KCNIP4: variants seen among roughly 807,000 people sequenced by gnomAD.
KCNIP4 encodes the protein potassium voltage-gated channel interacting protein 4, also known as Kv channel-interacting protein 4.
KCNIP4 carries 12 observed loss-of-function variants against 34.0 expected under a neutral mutation model. The observed-to-expected ratio is 0.35, with a 90% CI of 0.23 to 0.57. The LOEUF (loss-of-function observed/expected upper bound fraction) is 0.57, where lower values mean the gene tolerates loss of function less well. Ranked by LOEUF, KCNIP4 falls within the 20% of genes least tolerant of loss-of-function variation. The pLI is 0.83. For synonymous variants in KCNIP4, 124 were observed against 102.2 expected (o/e 1.21, Z -1.29); for missense variants, 238 against 311.7 (o/e 0.76, Z 1.78).
intron 1 of KCNIP4, among the ~76,000 whole-genome samples, chr4:21,406,005 T>C (rs1200145595): frequency 6.6e-6 from 1 of 152,136 alleles, no homozygotes. Flanking sequence ...CCGGCTAATT[T>C]TGTATTTTTA....
rs1311991093 is a variant in KCNIP4, at chr4:21,048,418, C to T, written c.62-165709G>A. ...CCAGAACTTGTCACGTGGCCCTAAT[C>T]TAATTGCAAATAATGCAAGGGAATG... On this transcript the variant is annotated intron_variant, in intron 1 of 8. Coordinates refer to ENST00000382152, the MANE Select transcript of KCNIP4 (RefSeq NM_025221.6). 2.0e-5 allele frequency among the ~76,000 whole-genome samples: 3 copies of T among 152,152 alleles called. No individual in the cohort carries two copies. In the East Asian group the frequency reaches 5.8e-4, roughly 29 times the overall value.
intron 1 of KCNIP4, among the ~76,000 whole-genome samples, chr4:21,256,059 A>C (rs1468939479): frequency 1.3e-5 from 2 of 152,154 alleles, no homozygotes; most frequent in East Asian, 3.9e-4. Context: ...AAGGTAAAAA[A>C]AAAAATTAGG....
intron 1 of KCNIP4, among the ~76,000 whole-genome samples, chr4:21,327,330 T>C (rs1308668514): frequency 6.6e-6 from 1 of 152,148 alleles, no homozygotes; most frequent in African/African-American, 2.4e-5. Flanking sequence ...TTTGCTATTC[T>C]AGGATAAATT....
At chr4:21,506,621 C>G (rs979589342) in intron 1 of KCNIP4, among the ~76,000 whole-genome samples, 1 of 152,106 alleles carries the variant, frequency 6.6e-6, no homozygotes, top group African/African-American at 2.4e-5. Flanking sequence ...TCATTCATTT[C>G]TTTACCCCCA....
intron 3 of KCNIP4, among the ~76,000 whole-genome samples, chr4:20,834,122 C>T (rs1372763150): frequency 6.6e-6 from 1 of 152,114 alleles, no homozygotes; most frequent in African/African-American, 2.4e-5. Flanking sequence ...AGGACCAAAA[C>T]AAGGACCAAA....
At chr4:20,946,717 T>C (rs114819383) in intron 1 of KCNIP4, among the ~76,000 whole-genome samples, 1,798 of 152,294 alleles carry the variant, frequency 0.012, 18 homozygotes, top group Non-Finnish European at 0.017. Context: ...CGTGTCTTAG[T>C]GAGCAATGGA....
intron 1 of KCNIP4, among the ~76,000 whole-genome samples, chr4:20,901,438 A>G (rs978933618): frequency 3.3e-5 from 5 of 152,236 alleles, no homozygotes; most frequent in African/African-American, 1.2e-4. Flanking sequence ...GCATTTAATA[A>G]GATTCTCAGG....
intron 1 of KCNIP4, among the ~76,000 whole-genome samples, chr4:21,441,419 A>G (rs2109706183): frequency 6.6e-6 from 1 of 152,156 alleles, no homozygotes; most frequent in Admixed American, 6.5e-5. Flanking sequence ...CTGGGATTAC[A>G]GGCATGAGCC....
chr4:21,047,207 G>A (rs534827887), intron 1 of KCNIP4, among the ~76,000 whole-genome samples: 1 of 152,178 alleles, frequency 6.6e-6, no homozygotes, highest in South Asian at 2.1e-4. Context: ...GGCTTTTCTT[G>A]CCAGCACATT....
intron 3 of KCNIP4, among the ~76,000 whole-genome samples, chr4:20,820,623 A>C (rs1405704742): frequency 1.3e-5 from 2 of 152,196 alleles, no homozygotes; most frequent in Non-Finnish European, 2.9e-5. Context: ...AGGAAGCCAG[A>C]TGCAATTCAG....
In KCNIP4 at chr4:21,807,234, C is replaced by T. The variant is rs560831889; in HGVS notation, c.61+141337G>A. Among the ~76,000 whole-genome samples the T allele has an allele frequency of 1.6e-4, 24 of 152,304 alleles. No individual in the cohort carries two copies. The South Asian group carries it at 4.8e-3, about 30-fold the overall frequency. On this transcript the variant is annotated intron_variant, in intron 1 of 8. Coordinates refer to ENST00000382152, the MANE Select transcript of KCNIP4 (RefSeq NM_025221.6). ...GCAGCTGTAAATACAGACAAAGCTT[C>T]GCTTGCTCACTGACACTCATCTCCT... is the stretch of plus-strand genomic sequence containing the variant.
At chr4:20,881,317 T>G (rs1190797349) in intron 2 of KCNIP4, among the ~76,000 whole-genome samples, 1 of 152,204 alleles carries the variant, frequency 6.6e-6, no homozygotes, top group Non-Finnish European at 1.5e-5. Context: ...GACATTTTAG[T>G]GCATTCATAT....
At chr4:20,975,334 C>A (rs753367132) in intron 1 of KCNIP4, among the ~76,000 whole-genome samples, 8 of 152,112 alleles carry the variant, frequency 5.3e-5, no homozygotes, top group Non-Finnish European at 1.2e-4. Context: ...TAAAATGGGT[C>A]TTTAACAAAT....
intron 1 of KCNIP4, among the ~76,000 whole-genome samples, chr4:21,216,628 A>T (rs1466212221): frequency 6.6e-5 from 10 of 152,190 alleles, no homozygotes; most frequent in Non-Finnish European, 1.5e-4. Flanking sequence ...CACAGCTGAG[A>T]AGGGGGTAGA....
At chr4:21,717,346 C>T (rs1331501805) in intron 1 of KCNIP4, among the ~76,000 whole-genome samples, 1 of 152,236 alleles carries the variant, frequency 6.6e-6, no homozygotes, top group South Asian at 2.1e-4. Flanking sequence ...CCTAGTGACT[C>T]AGATTTTACA....
At chr4:20,757,237 A>G (rs777823802) in intron 4 of KCNIP4, among the ~76,000 whole-genome samples, 1 of 152,070 alleles carries the variant, frequency 6.6e-6, no homozygotes, top group African/African-American at 2.4e-5. Flanking sequence ...ATATGTCTGT[A>G]ATCTGTCCCC....
intron 1 of KCNIP4, among the ~76,000 whole-genome samples, chr4:21,681,728 G>A (rs554861563): frequency 1.5e-4 from 23 of 152,208 alleles, no homozygotes; most frequent in Admixed American, 7.8e-4. Context: ...TTGGCTCACC[G>A]TTCTGCAGGC....
intron 1 of KCNIP4, among the ~76,000 whole-genome samples, chr4:21,571,033 C>T (rs1740329811): frequency 6.6e-6 from 1 of 152,184 alleles, no homozygotes. Flanking sequence ...AAAAGGACAT[C>T]TAGACTCACA....
intron 1 of KCNIP4, among the ~76,000 whole-genome samples, chr4:21,500,079 A>G (rs1354865727): frequency 6.6e-6 from 1 of 152,204 alleles, no homozygotes; most frequent in African/African-American, 2.4e-5. Flanking sequence ...AGTCAGTGTT[A>G]TTGAAATCCT....
Sources: allele counts gnomAD v4.1 joint callset (sites outside exome capture counted in the v4.1 genomes callset), GRCh38; gene constraint gnomAD v4.1.1; transcripts MANE v1.5; gene names NCBI Gene and HGNC (gene_info 2026-07-23, HGNC 2026-07-21).